Variants in LYPLAL1 observed in about 807,000 individuals in gnomAD.
The protein encoded by LYPLAL1 is lysophospholipase-like protein 1.
Under a neutral mutation model 19.7 loss-of-function variants are expected in LYPLAL1, and 23 were observed. That is an observed-to-expected ratio of 1.17 (90% CI 0.84 to 1.65). The LOEUF (loss-of-function observed/expected upper bound fraction) is 1.65. Among genes scored for constraint, LYPLAL1 ranks in the 40% most tolerant of loss-of-function variants. The probability of loss-of-function intolerance (pLI) is 0.00; values close to 1 mark genes in which losing one functional copy is unlikely to be tolerated. For synonymous variants in LYPLAL1, 119 were observed against 96.3 expected (o/e 1.24, Z -1.38); for missense variants, 355 against 279.4 (o/e 1.27, Z -1.93).
chr1:219,361,432 A>G, the LYPLAL1 span, among the ~76,000 whole-genome samples: 9 of 152,222 alleles, frequency 5.9e-5, no homozygotes, highest in Non-Finnish European at 1.3e-4. Flanking sequence ...TGGAACAGCT[A>G]TATTTGCTAG....
chr1:219,418,177 A>G, the LYPLAL1 span, among the ~76,000 whole-genome samples: 1 of 152,222 alleles, frequency 6.6e-6, no homozygotes, highest in Admixed American at 6.5e-5. Context: ...AACCTCGAAA[A>G]AAGTTATCCT....
At chr1:219,307,311 T>G in the LYPLAL1 span, among the ~76,000 whole-genome samples, 1 of 152,150 alleles carries the variant, frequency 6.6e-6, no homozygotes, top group African/African-American at 2.4e-5. Context: ...GATTTCACAC[T>G]CTTTTCTGTT....
At chr1:219,336,489 C>CT in the LYPLAL1 span, among the ~76,000 whole-genome samples, 4 of 151,750 alleles carry the variant, frequency 2.6e-5, no homozygotes, top group Non-Finnish European at 5.9e-5. Flanking sequence ...AAAATGGTGA[C>CT]TTTTTTTACT....
At chr1:219,410,072 A>G in the LYPLAL1 span, 1 of 152,234 alleles carries the variant, frequency 6.6e-6, no homozygotes, top group Non-Finnish European at 1.5e-5. Context: ...TCAGAAACAT[A>G]TCTATTGCAT....
At chr1:219,236,254 G>A in the LYPLAL1 span, among the ~76,000 whole-genome samples, 1 of 152,190 alleles carries the variant, frequency 6.6e-6, no homozygotes, top group Non-Finnish European at 1.5e-5. Context: ...TTGCGGAAGA[G>A]GAGAGGCTAA....
At chr1:219,366,447 T>C in the LYPLAL1 span, among the ~76,000 whole-genome samples, 1 of 152,226 alleles carries the variant, frequency 6.6e-6, no homozygotes, top group Non-Finnish European at 1.5e-5. Flanking sequence ...CTAAGTGGCT[T>C]ACATACAAAA....
the LYPLAL1 span, among the ~76,000 whole-genome samples, chr1:219,403,463 G>A: frequency 6.6e-6 from 1 of 152,162 alleles, no homozygotes; most frequent in Non-Finnish European, 1.5e-5. Context: ...GTGTGGAGGA[G>A]AGGGAGAAGC....
the LYPLAL1 span, among the ~76,000 whole-genome samples, chr1:219,392,564 T>C: frequency 1.3e-5 from 2 of 152,268 alleles, no homozygotes; most frequent in East Asian, 3.9e-4. Context: ...GAGCCCCACC[T>C]TGAGCTCAGC....
chr1:219,245,225 CTTCCTTCCTTCT>C, the LYPLAL1 span, among the ~76,000 whole-genome samples: 1 of 101,980 alleles, frequency 9.8e-6, no homozygotes, highest in Non-Finnish European at 2.1e-5. Context: ...TCCTTCCTTC[CTTCCTTCCTTCT>C]ACAGTTCAGA....
chr1:219,317,808 T>C, the LYPLAL1 span, among the ~76,000 whole-genome samples: 3 of 152,190 alleles, frequency 2.0e-5, no homozygotes, highest in Admixed American at 6.5e-5. Flanking sequence ...AAAAGACCCA[T>C]GCTTTTAGCC....
intron 2 of LYPLAL1, among the ~76,000 whole-genome samples, chr1:219,190,060 TTAATAGA>T (rs1425891780): frequency 2.0e-5 from 3 of 151,558 alleles, no homozygotes; most frequent in Non-Finnish European, 3.0e-5. Flanking sequence ...AGAAACTAAC[TTAATAGA>T]TAAAGAGATT....
intron 1 of LYPLAL1, among the ~76,000 whole-genome samples, chr1:219,178,811 T>C (rs1656024343): frequency 6.6e-6 from 1 of 152,116 alleles, no homozygotes; most frequent in East Asian, 1.9e-4. Flanking sequence ...CACATATAAA[T>C]ACAGAAATAA....
the LYPLAL1 span, among the ~76,000 whole-genome samples, chr1:219,344,679 C>T: frequency 6.6e-6 from 1 of 152,178 alleles, no homozygotes; most frequent in Non-Finnish European, 1.5e-5. Flanking sequence ...CTCCCCTGAG[C>T]CTGCTCTCCC....
At chr1:219,174,339 T>A in intron 1 of LYPLAL1, 1 of 1,085,936 alleles carries the variant, frequency 9.2e-7, no homozygotes. Flanking sequence ...TATTTAGTGT[T>A]TTTCATTATC....
chr1:219,243,387 T>A, the LYPLAL1 span, among the ~76,000 whole-genome samples: 1 of 152,170 alleles, frequency 6.6e-6, no homozygotes, highest in South Asian at 2.1e-4. Flanking sequence ...TTAGAAGCTT[T>A]GAGTCCTATG....
At chr1:219,215,293 T>A (rs1659250198), downstream of LYPLAL1, among the ~76,000 whole-genome samples, 2 of 152,194 alleles carry the variant, frequency 1.3e-5, no homozygotes, top group Admixed American at 6.5e-5. Context: ...TTTTCCTATC[T>A]TCTTACTTGA....
chr1:219,398,413 A>T, the LYPLAL1 span, among the ~76,000 whole-genome samples: 20 of 152,144 alleles, frequency 1.3e-4, no homozygotes, highest in African/African-American at 4.8e-4. Context: ...GGTTGGTTAC[A>T]TTCTTTTCTA....
At chr1:219,204,434 T>C (rs1349499087) in intron 3 of LYPLAL1, among the ~76,000 whole-genome samples, 3 of 152,196 alleles carry the variant, frequency 2.0e-5, no homozygotes, top group African/African-American at 7.2e-5. Context: ...AAGCCTGTCT[T>C]GAACTCTTCA....
chr1:219,236,423 C>T, the LYPLAL1 span, among the ~76,000 whole-genome samples: 2 of 152,202 alleles, frequency 1.3e-5, no homozygotes, highest in African/African-American at 2.4e-5. Context: ...TTACAAATAT[C>T]TGCATGGTTT....
Sources: allele counts gnomAD v4.1 joint callset (sites outside exome capture counted in the v4.1 genomes callset), GRCh38; gene constraint gnomAD v4.1.1; transcripts MANE v1.5; gene names NCBI Gene and HGNC (gene_info 2026-07-23, HGNC 2026-07-21).